Variants in SPOCK3 observed in about 807,000 individuals in gnomAD.
The protein encoded by SPOCK3 is testican-3.
SPOCK3 carries 30 observed loss-of-function variants against 56.6 expected under a neutral mutation model. The observed-to-expected ratio is 0.53, with a 90% confidence interval of 0.40 to 0.72. SPOCK3 has a LOEUF of 0.72. SPOCK3 is among the 30% of genes least tolerant of loss of function. The pLI, the probability that SPOCK3 is intolerant of heterozygous loss-of-function variation, is 0.00. For synonymous variants in SPOCK3, 196 were observed against 183.3 expected (o/e 1.07, Z -0.56); for missense variants, 527 against 530.0 (o/e 0.99, Z 0.06).
At position 167,133,900 on chromosome 4, in the gene SPOCK3, A is replaced by T. The variant is rs1019107258; in HGVS notation, c.190-71363T>A. On this transcript the variant is annotated intron_variant, in intron 2 of 10. Transcript: ENST00000357545. ...AGTATTAGGCAGCTAATAAATTTCA[A>T]ACAGAATCTGTTGTTCTTCAAAATA... 2.0e-5 allele frequency among the ~76,000 whole-genome samples: 3 copies of T among 152,190 alleles called. No individual in the cohort carries two copies. The East Asian group carries it at 5.8e-4, about 29-fold the overall frequency.
At chr4:166,984,916 T>C (rs1746976957) in intron 4 of SPOCK3, among the ~76,000 whole-genome samples, 1 of 152,100 alleles carries the variant, frequency 6.6e-6, no homozygotes, top group Non-Finnish European at 1.5e-5. Context: ...TGATCATGCT[T>C]TTAGTTCCTT....
At chr4:167,128,716 C>A (rs1481427706) in intron 2 of SPOCK3, among the ~76,000 whole-genome samples, 1 of 152,200 alleles carries the variant, frequency 6.6e-6, no homozygotes, top group East Asian at 1.9e-4. Flanking sequence ...CAAAAAAGTT[C>A]TCATTCAAAG....
At chr4:166,864,095 T>G (rs983294976) in intron 6 of SPOCK3, among the ~76,000 whole-genome samples, 3 of 152,162 alleles carry the variant, frequency 2.0e-5, no homozygotes, top group African/African-American at 7.2e-5. Context: ...CAGACCACAG[T>G]GCAATCAAAT....
chr4:166,903,121 T>A (rs1232393652), intron 5 of SPOCK3, among the ~76,000 whole-genome samples: 3 of 147,346 alleles, frequency 2.0e-5, no homozygotes, highest in Non-Finnish European at 4.5e-5. Context: ...TATAAATTAT[T>A]TATAATATAA....
At chr4:167,032,527 T>C (rs886071327) in intron 3 of SPOCK3, among the ~76,000 whole-genome samples, 1 of 151,934 alleles carries the variant, frequency 6.6e-6, no homozygotes, top group Non-Finnish European at 1.5e-5. Context: ...ATTTGTGCAA[T>C]TCCTAAGATC....
intron 10 of SPOCK3, 86 bp from the exon 11 acceptor site, chr4:166,735,176 A>T: frequency 1.2e-6 from 1 of 817,618 alleles, no homozygotes; most frequent in Non-Finnish European, 1.9e-6. Flanking sequence ...AAAATTAAGA[A>T]TATTTTTTAG....
At chr4:167,218,642 T>C (rs1430801818) in intron 2 of SPOCK3, among the ~76,000 whole-genome samples, 1 of 152,118 alleles carries the variant, frequency 6.6e-6, no homozygotes, top group Non-Finnish European at 1.5e-5. Context: ...TAAAAACAAA[T>C]GTGGGATATT....
chr4:166,750,609 G>GTTGATTGT (rs1388341932), intron 8 of SPOCK3, among the ~76,000 whole-genome samples: 3 of 151,918 alleles, frequency 2.0e-5, no homozygotes, highest in Admixed American at 2.0e-4. Flanking sequence ...ATATAAAATT[G>GTTGATTGT]TTGATTGTTC....
intron 2 of SPOCK3, among the ~76,000 whole-genome samples, chr4:167,205,350 T>TAATATATATTATATTATATATATAA (rs1734047710): frequency 4.7e-5 from 2 of 42,544 alleles, no homozygotes; most frequent in Non-Finnish European, 7.5e-5. Context: ...ATTATATATA[T>TAATATATATTATATTATATATATAA]AATATATATA....
Position 166,805,988 on chromosome 4 carries a change from A to G in SPOCK3, c.590-13699T>C, listed in dbSNP as rs372558960. ...TGTTTGCGGGAAAGCACAAGAAAAC[A>G]TTAATGAGTTTATACTCCATACACT... On this transcript the variant is annotated intron_variant, in intron 6 of 10. Transcript: ENST00000357545. Among the ~76,000 whole-genome samples the G allele has an allele frequency of 2.4e-4, 37 of 152,230 alleles. No individual in the cohort carries two copies. The East Asian group carries it at 6.0e-3, about 25-fold the overall frequency.
At chr4:166,752,157 T>C (rs1736453302) in intron 8 of SPOCK3, among the ~76,000 whole-genome samples, 2 of 152,052 alleles carry the variant, frequency 1.3e-5, no homozygotes, top group South Asian at 4.2e-4. Flanking sequence ...CCCAAGTAGC[T>C]AGGACTACAG....
chr4:167,101,594 C>T (rs955687911), intron 2 of SPOCK3, among the ~76,000 whole-genome samples: 2 of 152,002 alleles, frequency 1.3e-5, no homozygotes, highest in Admixed American at 6.6e-5. Flanking sequence ...TATTTAAGAA[C>T]TCAATGGAAA....
Position 167,161,039 on chromosome 4 carries a change from C to A in SPOCK3, c.189+72946G>T, listed in dbSNP as rs562013214. On this transcript the variant is annotated intron_variant, in intron 2 of 10. Transcript: ENST00000357545. The stretch of plus-strand genomic sequence containing the variant: ...CCATGGCAACAAAAGACAAAATTGA[C>A]AAATGGGATCTAATTAAACTAAAGA... Among the ~76,000 whole-genome samples, 260 of 152,238 alleles carry A rather than the reference C, an allele frequency of 1.7e-3. 12 individuals are homozygous for A. The South Asian group carries it at 0.051, about 30-fold the overall frequency.
chr4:167,134,028 T>C (rs1041061656), intron 2 of SPOCK3, among the ~76,000 whole-genome samples: 32 of 136,676 alleles, frequency 2.3e-4, no homozygotes, highest in East Asian at 1.0e-3. Flanking sequence ...TTTTCTTTTT[T>C]TTTTTTTTTT....
At chr4:167,055,573 C>A (rs1462947138) in intron 3 of SPOCK3, among the ~76,000 whole-genome samples, 1 of 152,172 alleles carries the variant, frequency 6.6e-6, no homozygotes, top group Non-Finnish European at 1.5e-5. Flanking sequence ...ACAGACAGCA[C>A]CTGGAAAATC....
At chr4:167,195,537 T>C (rs573924364) in intron 2 of SPOCK3, among the ~76,000 whole-genome samples, 5 of 152,156 alleles carry the variant, frequency 3.3e-5, no homozygotes, top group Non-Finnish European at 7.3e-5. Context: ...TGTGAGTCCC[T>C]AGCTGGGCAG....
chr4:166,897,073 G>C (rs751000727), intron 5 of SPOCK3, among the ~76,000 whole-genome samples: 12 of 152,056 alleles, frequency 7.9e-5, no homozygotes, highest in Non-Finnish European at 1.3e-4. Flanking sequence ...GGTAAAAATT[G>C]CTTTATATAT....
chr4:167,190,470 G>T (rs1732381764), intron 2 of SPOCK3, among the ~76,000 whole-genome samples: 1 of 145,976 alleles, frequency 6.9e-6, no homozygotes, highest in Admixed American at 7.0e-5. Context: ...TATTTTATTT[G>T]TTTTGGCATA....
At chr4:166,765,572 C>T (rs1223850199) in intron 7 of SPOCK3, among the ~76,000 whole-genome samples, 3 of 152,194 alleles carry the variant, frequency 2.0e-5, no homozygotes, top group Non-Finnish European at 2.9e-5. Flanking sequence ...CAGTACCATG[C>T]TGTTTTGGTT....
Sources: gnomAD v4.1 joint callset for allele counts (sites outside exome capture counted in the v4.1 genomes callset) on GRCh38, gnomAD v4.1.1 for gene constraint, MANE v1.5 for transcripts, NCBI Gene and HGNC (gene_info 2026-07-23, HGNC 2026-07-21) for gene names.